Variants in MACROD2 observed in about 807,000 individuals in gnomAD.
MACROD2 encodes ADP-ribose glycohydrolase MACROD2.
MACROD2 carries 36 observed loss-of-function variants against 70.4 expected under a neutral mutation model. The ratio of observed to expected loss-of-function variants is 0.51; its 90% CI spans 0.39 to 0.68. MACROD2 has a LOEUF of 0.68. Ranked by LOEUF, MACROD2 falls within the 30% of genes least tolerant of loss-of-function variation. The probability of loss-of-function intolerance (pLI) is 0.00; values close to 1 mark genes in which losing one functional copy is unlikely to be tolerated. For synonymous variants in MACROD2, 172 were observed against 178.8 expected (o/e 0.96, Z 0.30); for missense variants, 496 against 538.4 (o/e 0.92, Z 0.78).
chr20:15,078,843 G>C lies in MACROD2; in HGVS notation c.419-151097G>C, dbSNP rs538726966. 8.0e-4 allele frequency among the ~76,000 whole-genome samples: 122 copies of C among 151,612 alleles called. 1 individual carries two copies. The highest frequency in any genetic ancestry group is 2.9e-3 in the African/African-American group (118 of 41,358). ...ATATTTTTAGTAGAGTCAGGATTTT[G>C]TCATATTGGTCAGGCTGGTCACAGA... On this transcript the variant is annotated intron_variant, in intron 5 of 17. Coordinates refer to ENST00000684519, the MANE Select transcript of MACROD2 (RefSeq NM_001351661.2).
chr20:15,593,078 T>G (rs1365682980), intron 8 of MACROD2, among the ~76,000 whole-genome samples: 1 of 152,174 alleles, frequency 6.6e-6, no homozygotes, highest in Admixed American at 6.5e-5. Flanking sequence ...GCAATGATAA[T>G]TGCAGTGTGG....
At chr20:15,904,804 CT>C (rs2065119514) in intron 10 of MACROD2, among the ~76,000 whole-genome samples, 2 of 147,964 alleles carry the variant, frequency 1.4e-5, no homozygotes, top group South Asian at 4.3e-4. Context: ...TGATGTGAAG[CT>C]GGGAGGCGGA....
At chr20:14,495,036 G>A (rs777315920) in intron 4 of MACROD2, among the ~76,000 whole-genome samples, 8 of 152,134 alleles carry the variant, frequency 5.3e-5, no homozygotes, top group Non-Finnish European at 8.8e-5. Flanking sequence ...CAACAAATTA[G>A]GTAGACGATT....
In MACROD2 at chr20:15,727,082, A is replaced by T. The variant is rs191930148; in HGVS notation, c.646-135663A>T. 3.3e-5 allele frequency among the ~76,000 whole-genome samples: 5 copies of T among 152,036 alleles called. No individual in the cohort carries two copies. The East Asian group carries it at 9.7e-4, about 29-fold the overall frequency. On this transcript the variant is annotated intron_variant, in intron 8 of 17. Coordinates refer to ENST00000684519, the MANE Select transcript of MACROD2 (RefSeq NM_001351661.2). ...TTTAGGATTTAAGTCTTAATCCATA[A>T]TCCATATTTAAGTCTTTAATCTTGA...
At chr20:14,341,364 G>A (rs541640921) in intron 3 of MACROD2, among the ~76,000 whole-genome samples, 12 of 152,318 alleles carry the variant, frequency 7.9e-5, no homozygotes, top group Admixed American at 3.3e-4. Flanking sequence ...TTGGATGGGC[G>A]CAGTGGCTCA....
chr20:14,071,658 T>C (rs1271690334), intron 2 of MACROD2, among the ~76,000 whole-genome samples: 1 of 152,222 alleles, frequency 6.6e-6, no homozygotes, highest in East Asian at 1.9e-4. Flanking sequence ...AATTTGCTTT[T>C]CTTGTTCCAA....
At chr20:14,744,851 C>A (rs1365048148) in intron 5 of MACROD2, among the ~76,000 whole-genome samples, 1 of 152,046 alleles carries the variant, frequency 6.6e-6, no homozygotes, top group Admixed American at 6.5e-5. Context: ...ACCATCAAAC[C>A]CCAGCCAAAC....
chr20:14,436,046 C>A (rs1263308406), intron 3 of MACROD2, among the ~76,000 whole-genome samples: 9 of 152,002 alleles, frequency 5.9e-5, no homozygotes, highest in African/African-American at 2.2e-4. Context: ...TTCTAAAAGT[C>A]ACAATTTTAT....
intron 8 of MACROD2, among the ~76,000 whole-genome samples, chr20:15,572,590 G>A (rs1367561213): frequency 6.6e-6 from 1 of 151,888 alleles, no homozygotes; most frequent in Non-Finnish European, 1.5e-5. Context: ...AGTTTATTTG[G>A]TTTGTTTATA....
At chr20:15,841,573 A>G (rs2064170828) in intron 8 of MACROD2, among the ~76,000 whole-genome samples, 1 of 152,122 alleles carries the variant, frequency 6.6e-6, no homozygotes, top group South Asian at 2.1e-4. Context: ...CAGAGCTCGT[A>G]AGAACTCACA....
At chr20:14,371,022 A>T (rs1352724888) in intron 3 of MACROD2, among the ~76,000 whole-genome samples, 2 of 152,152 alleles carry the variant, frequency 1.3e-5, no homozygotes, top group African/African-American at 4.8e-5. Flanking sequence ...AAGTTTAAAA[A>T]TTTGATTTAT....
intron 8 of MACROD2, among the ~76,000 whole-genome samples, chr20:15,535,416 T>A (rs1409239236): frequency 2.6e-5 from 4 of 152,220 alleles, no homozygotes; most frequent in Non-Finnish European, 4.4e-5. Context: ...ATGCAGATTC[T>A]CAGCCTCCAT....
intron 3 of MACROD2, among the ~76,000 whole-genome samples, chr20:14,388,220 G>A (rs796544931): frequency 2.0e-5 from 3 of 151,916 alleles, no homozygotes; most frequent in African/African-American, 7.2e-5. Flanking sequence ...CACTGTGTTC[G>A]CCAGGATGGT....
At chr20:14,415,728 TGG>T (rs1348432639) in intron 3 of MACROD2, among the ~76,000 whole-genome samples, 4 of 152,178 alleles carry the variant, frequency 2.6e-5, no homozygotes, top group African/African-American at 9.7e-5. Context: ...GCCGATAAGC[TGG>T]TGACACAAGG....
At chr20:14,954,498 A>T (rs982492222) in intron 5 of MACROD2, among the ~76,000 whole-genome samples, 3 of 141,652 alleles carry the variant, frequency 2.1e-5, no homozygotes, top group African/African-American at 7.7e-5. Context: ...TAAATTATAT[A>T]TAATTATTAT....
chr20:14,047,858 A>C (rs2053501482), intron 2 of MACROD2, among the ~76,000 whole-genome samples: 1 of 152,202 alleles, frequency 6.6e-6, no homozygotes, highest in Admixed American at 6.5e-5. Context: ...TCTGAGCTGA[A>C]AAAAGCTTTA....
intron 8 of MACROD2, among the ~76,000 whole-genome samples, chr20:15,508,110 A>G (rs887833071): frequency 6.6e-6 from 1 of 152,138 alleles, no homozygotes; most frequent in Non-Finnish European, 1.5e-5. Flanking sequence ...TGCTCTAGGG[A>G]CACCAACCTA....
intron 8 of MACROD2, among the ~76,000 whole-genome samples, chr20:15,653,124 C>T (rs2049670932): frequency 6.6e-6 from 1 of 152,190 alleles, no homozygotes. Flanking sequence ...AAATCCTAAA[C>T]TTTTGGACTT....
At chr20:14,996,663 T>G (rs1217370869) in intron 5 of MACROD2, among the ~76,000 whole-genome samples, 1 of 152,042 alleles carries the variant, frequency 6.6e-6, no homozygotes. Flanking sequence ...GTGGGCTGCT[T>G]GGCGCAGAGA....
Sources: allele counts gnomAD v4.1 joint callset (sites outside exome capture counted in the v4.1 genomes callset), GRCh38; gene constraint gnomAD v4.1.1; transcripts MANE v1.5; gene names NCBI Gene and HGNC (gene_info 2026-07-23, HGNC 2026-07-21).